Variants in ITPR2 observed in about 807,000 individuals in gnomAD.
The protein encoded by ITPR2 is inositol 1,4,5-trisphosphate receptor type 2.
ITPR2 carries 207 observed loss-of-function variants against 317.1 expected under a neutral mutation model. The ratio of observed to expected loss-of-function variants is 0.65; its 90% CI spans 0.58 to 0.73. The LOEUF is 0.73. ITPR2 is among the 30% of genes least tolerant of loss of function. The probability of loss-of-function intolerance (pLI) is 0.00; values close to 1 mark genes in which losing one functional copy is unlikely to be tolerated. For missense variants in ITPR2, 2,613 were observed against 3,284.0 expected (o/e 0.80, Z 4.99); for synonymous variants, 1,156 against 1,149.1 (o/e 1.01, Z -0.12).
At chr12:26,342,917 C>G (rs1200020592) in intron 55 of ITPR2, among the ~76,000 whole-genome samples, 1 of 151,898 alleles carries the variant, frequency 6.6e-6, no homozygotes, top group Non-Finnish European at 1.5e-5. Flanking sequence ...TGAGTTCTCA[C>G]TCTTAGGAGC....
chr12:26,600,612 G>C (rs941729821), intron 28 of ITPR2, among the ~76,000 whole-genome samples: 8 of 150,358 alleles, frequency 5.3e-5, no homozygotes, highest in Non-Finnish European at 1.2e-4. Flanking sequence ...TTCTATTCTT[G>C]TCTCTCTTTC....
intron 47 of ITPR2, 43 bp downstream of exon 47, chr12:26,439,084 A>G: frequency 8.0e-7 from 1 of 1,244,512 alleles, no homozygotes; most frequent in Non-Finnish European, 1.1e-6. Context: ...CAAATTATCT[A>G]CCACTATGCA....
intron 37 of ITPR2, among the ~76,000 whole-genome samples, chr12:26,518,289 G>A (rs1334477584): frequency 6.6e-6 from 1 of 152,138 alleles, no homozygotes; most frequent in Non-Finnish European, 1.5e-5. Context: ...AGTACCCCAT[G>A]TTCTCACTTA....
At chr12:26,647,738 A>C (rs1014549087) in intron 21 of ITPR2, among the ~76,000 whole-genome samples, 17 of 152,238 alleles carry the variant, frequency 1.1e-4, no homozygotes, top group Admixed American at 3.3e-4. Flanking sequence ...GAGCAAGTAC[A>C]TTTGTTTGAA....
At chr12:26,493,216 G>A (rs7966762) in intron 39 of ITPR2, among the ~76,000 whole-genome samples, 63,129 of 151,890 alleles carry the variant, frequency 0.42, 14,777 homozygotes, top group Non-Finnish European at 0.53. Flanking sequence ...CTTGCTGCTC[G>A]TGAGGCCTTT....
intron 45 of ITPR2, among the ~76,000 whole-genome samples, chr12:26,465,523 C>T (rs1942149988): frequency 6.6e-6 from 1 of 152,092 alleles, no homozygotes; most frequent in South Asian, 2.1e-4. Flanking sequence ...TTTAAAGAAG[C>T]AGATTTGCAT....
intron 55 of ITPR2, among the ~76,000 whole-genome samples, chr12:26,386,764 T>A (rs1029595125): frequency 5.3e-5 from 8 of 152,200 alleles, no homozygotes; most frequent in Non-Finnish European, 1.2e-4. Context: ...TGTGTACACA[T>A]ATACACTGAA....
At chr12:26,537,364 G>T (rs529544539) in intron 37 of ITPR2, among the ~76,000 whole-genome samples, 1 of 152,248 alleles carries the variant, frequency 6.6e-6, no homozygotes, top group African/African-American at 2.4e-5. Flanking sequence ...TGAATAAATG[G>T]CTGCATACAC....
chr12:26,599,608 G>C (rs1196812317), intron 29 of ITPR2, among the ~76,000 whole-genome samples: 1 of 152,100 alleles, frequency 6.6e-6, no homozygotes, highest in East Asian at 1.9e-4. Flanking sequence ...GACTAATTAT[G>C]AATTCAAAAT....
rs577667145 is a variant in ITPR2, at chr12:26,814,579, T to C, written c.92+18111A>G. ...TAGCAAACTAGCTCAGACTTCACCA[T>C]CAAGAATTTATGTTAGCTAAAAAGA... is the stretch of plus-strand genomic sequence containing the variant. On this transcript the variant is annotated intron_variant, in intron 1 of 56. Transcript: ENST00000381340. Among the ~76,000 whole-genome samples the C allele has an allele frequency of 1.7e-4, 26 of 152,342 alleles. No individual in the cohort carries two copies. In the South Asian group the frequency reaches 5.0e-3, roughly 29 times the overall value.
chr12:26,656,624 C>T (rs1947373907), intron 18 of ITPR2, 76 bp from the exon 19 acceptor site: 1 of 1,477,734 alleles, frequency 6.8e-7, no homozygotes, highest in South Asian at 1.2e-5. Context: ...CAATCAGTAT[C>T]TATGTTTAAG....
chr12:26,694,361 A>C (rs950221593), intron 10 of ITPR2, among the ~76,000 whole-genome samples: 7 of 152,146 alleles, frequency 4.6e-5, no homozygotes, highest in African/African-American at 1.7e-4. Flanking sequence ...TATAGGTAAA[A>C]TTTATTAAGA....
At chr12:26,387,684 GA>G (rs977151158) in intron 54 of ITPR2, 90 bp from the exon 55 acceptor site, 95 of 1,260,452 alleles carry the variant, frequency 7.5e-5, no homozygotes, top group Non-Finnish European at 9.7e-5. Flanking sequence ...TAATTATTGT[GA>G]AAAAAATGCT....
chr12:26,492,064 G>A (rs1280786261), intron 39 of ITPR2, among the ~76,000 whole-genome samples: 1 of 152,208 alleles, frequency 6.6e-6, no homozygotes, highest in Non-Finnish European at 1.5e-5. Context: ...TGGGAGTTAA[G>A]TAGAGGGAGA....
chr12:26,568,539 A>G (rs1945071648), intron 34 of ITPR2, among the ~76,000 whole-genome samples: 1 of 152,064 alleles, frequency 6.6e-6, no homozygotes, highest in African/African-American at 2.4e-5. Flanking sequence ...ATTATTAAAT[A>G]TTGCTTATTA....
chr12:26,599,172 C>T lies in ITPR2; in HGVS notation c.3975G>A (p.Lys1325=). Residue 1325 remains lysine, a synonymous_variant, in exon 30 of 57, where the codon AAG becomes AAA. Transcript: ENST00000381340. ...TIVKADGKYV[K]KCQDMVMTEL... is the part of the protein sequence containing the mutation. ...CTGTCATTACCATATCCTGGCATTT[C>T]TTCACATATTTACCATCTGCTTTTA... The T allele has an allele frequency of 6.2e-7, 1 of 1,614,066 alleles. No individual in the cohort carries two copies. Among genetic ancestry groups the T allele is most frequent in the Non-Finnish European group, 8.5e-7 (1 of 1,179,936 alleles).
At chr12:26,442,334 T>C (rs962822376) in intron 46 of ITPR2, among the ~76,000 whole-genome samples, 3 of 152,176 alleles carry the variant, frequency 2.0e-5, no homozygotes, top group Non-Finnish European at 2.9e-5. Flanking sequence ...ACTTATAACA[T>C]AGAATTATCT....
At chr12:26,779,135 T>C (rs1014453905) in intron 2 of ITPR2, among the ~76,000 whole-genome samples, 1 of 152,226 alleles carries the variant, frequency 6.6e-6, no homozygotes, top group Non-Finnish European at 1.5e-5. Flanking sequence ...GATCCAATGA[T>C]GCCTGGGGTG....
At chr12:26,705,696 G>A (rs1168236165) in intron 9 of ITPR2, among the ~76,000 whole-genome samples, 1 of 152,172 alleles carries the variant, frequency 6.6e-6, no homozygotes, top group Non-Finnish European at 1.5e-5. Flanking sequence ...CTAATTTGGT[G>A]AATGACATCG....
Sources: allele counts gnomAD v4.1 joint callset (sites outside exome capture counted in the v4.1 genomes callset), GRCh38; gene constraint gnomAD v4.1.1; transcripts MANE v1.5; gene names NCBI Gene and HGNC (gene_info 2026-07-23, HGNC 2026-07-21).